The following MOV10L1 variants were observed in gnomAD, a reference collection of about 807,000 sequenced individuals.
The protein encoded by MOV10L1 is Mov10 like RNA helicase 1.
MOV10L1 carries 110 observed loss-of-function variants against 143.8 expected under a neutral mutation model. That is an observed-to-expected ratio of 0.76 (90% CI 0.66 to 0.90). The LOEUF is 0.90. Among genes scored for constraint, MOV10L1 ranks in the 40% least tolerant of loss-of-function variants. The pLI is 0.00. For synonymous variants in MOV10L1, 593 were observed against 581.1 expected, an observed-to-expected ratio of 1.02 and a Z score of -0.29; for missense variants, 1,406 against 1,526.8, an observed-to-expected ratio of 0.92 and a Z score of 1.32.
At chr22:50,148,001 C>T (rs1173578386) in intron 19 of MOV10L1, among the ~76,000 whole-genome samples, 9 of 152,246 alleles carry the variant, frequency 5.9e-5, no homozygotes, top group Admixed American at 5.9e-4. Context: ...CGCCCCCGCA[C>T]AGGTCTGACC....
chr22:50,150,978 C>G, intron 21 of MOV10L1, 79 bp downstream of exon 21: 1 of 1,554,274 alleles, frequency 6.4e-7, no homozygotes, highest in Non-Finnish European at 8.8e-7. Flanking sequence ...GCTCACTCTT[C>G]TGTCCACCTG....
chr22:50,145,789 T>C lies in MOV10L1; in HGVS notation c.2606T>C (p.Leu869Pro), dbSNP rs1293740240. ...ATCACCACATGCAGCAGCTCAGGGC[T>C]GTTTTACCAAATAGGAGTGAGGTGA... Reference protein sequence around the residue: ...IIITTCSSSGLFYQIGVRVGH... With the variant: ...IIITTCSSSGPFYQIGVRVGH... The change falls in exon 19 of 27, where the codon CTG becomes CCG. Residue 869 changes from leucine to proline, a missense_variant. Coordinates refer to ENST00000262794, the MANE Select transcript of MOV10L1 (RefSeq NM_018995.3). 6.2e-7 allele frequency: 1 copy of C among 1,614,020 alleles called. No homozygotes were observed. The highest frequency in any genetic ancestry group is 1.7e-5 in the Admixed American group (1 of 60,032).
chr22:50,123,911 C>T (rs1318847849), intron 10 of MOV10L1, among the ~76,000 whole-genome samples: 1 of 152,170 alleles, frequency 6.6e-6, no homozygotes, highest in African/African-American at 2.4e-5. Flanking sequence ...TTGTCCATTT[C>T]ATCTGGGTAT....
intron 2 of MOV10L1, chr22:50,093,941 T>G (rs906585083): frequency 2.6e-5 from 4 of 152,260 alleles, no homozygotes; most frequent in Non-Finnish European, 5.9e-5. Context: ...CCTGCTGATT[T>G]GGAAAATTCC....
intron 9 of MOV10L1, among the ~76,000 whole-genome samples, chr22:50,118,100 T>C (rs2062232961): frequency 6.6e-6 from 1 of 152,160 alleles, no homozygotes. Flanking sequence ...GAATTTCAAA[T>C]CACGTGTTGC....
rs1169918718 is a variant in MOV10L1, at chr22:50,145,678, C to T, written c.2506-11C>T. The T allele has an allele frequency of 6.2e-7, 1 of 1,613,916 alleles. No homozygotes were observed. The highest frequency in any genetic ancestry group is 1.7e-5 in the Admixed American group (1 of 60,028). On this transcript the variant is annotated splice_polypyrimidine_tract_variant and intron_variant, in intron 18 of 26. Coordinates refer to ENST00000262794, the MANE Select transcript of MOV10L1 (RefSeq NM_018995.3). ...GAGGAGTAAACTAACTCTACGCCTC[C>T]TTGCCCCCAGATAGTTATTGACGCC...
At chr22:50,126,179 A>G (rs1475153079) in intron 11 of MOV10L1, 23 bp from the exon 12 acceptor site, 4 of 1,509,646 alleles carry the variant, frequency 2.6e-6, no homozygotes, top group Admixed American at 1.7e-5. Context: ...AGCTTTAAAC[A>G]TGGTAATATA....
chr22:50,121,171 G>C (rs1404077874), intron 10 of MOV10L1, among the ~76,000 whole-genome samples: 1 of 152,170 alleles, frequency 6.6e-6, no homozygotes, highest in African/African-American at 2.4e-5. Context: ...AGGGGTTTGA[G>C]GTGTTCTGAG....
At chr22:50,137,549 A>G (rs2062853602) in intron 15 of MOV10L1, among the ~76,000 whole-genome samples, 1 of 151,692 alleles carries the variant, frequency 6.6e-6, no homozygotes, top group African/African-American at 2.4e-5. Flanking sequence ...CCATCCCAGA[A>G]AAAAAATTAG....
At chr22:50,112,344 C>T (rs1569284066) in intron 5 of MOV10L1, among the ~76,000 whole-genome samples, 1 of 152,200 alleles carries the variant, frequency 6.6e-6, no homozygotes, top group Non-Finnish European at 1.5e-5. Context: ...TGCACCTCCT[C>T]CCTATGTCTG....
In MOV10L1 at chr22:50,159,833, C is replaced by A; in HGVS notation, c.3324+48C>A. On this transcript the variant is annotated intron_variant, in intron 24 of 26. Coordinates refer to ENST00000262794, the MANE Select transcript of MOV10L1 (RefSeq NM_018995.3). This position sits in a 1 kb window ranked among gnomAD's most constrained non-coding sequence, Gnocchi z 4.1. ...GGGATGGACAGTCAGGTGCTTGCTG[C>A]CCTGGGGGTTCTGGGGGCTTCAGAT... is the stretch of plus-strand genomic sequence containing the variant. 7.7e-7 allele frequency: 1 copy of A among 1,303,862 alleles called. No individual in the cohort carries two copies. The highest frequency in any genetic ancestry group is 1.1e-6 in the Non-Finnish European group (1 of 907,258). The allele number at this position is 1,303,862 out of a possible 1,614,324, so 80.8% of individuals were successfully genotyped here.
chr22:50,114,022 CATT>C (rs2062099339), intron 6 of MOV10L1, among the ~76,000 whole-genome samples: 1 of 150,934 alleles, frequency 6.6e-6, no homozygotes, highest in African/African-American at 2.4e-5. Flanking sequence ...GGGTTCACAC[CATT>C]CTCCTGCCTC....
At chr22:50,092,917 T>G (rs1190079876) in intron 2 of MOV10L1, 1 of 152,234 alleles carries the variant, frequency 6.6e-6, no homozygotes, top group Non-Finnish European at 1.5e-5. Context: ...GTTTTTGTTT[T>G]TTTCTGAGAC....
intron 5 of MOV10L1, among the ~76,000 whole-genome samples, chr22:50,111,120 T>C (rs1602177339): frequency 6.6e-6 from 1 of 152,164 alleles, no homozygotes; most frequent in Non-Finnish European, 1.5e-5. Flanking sequence ...AAGTTCACTT[T>C]GCCAAGGTGA....
In MOV10L1 at chr22:50,126,234, A is replaced by C. The variant is rs1245621902; in HGVS notation, c.1780A>C (p.Asn594His). The C allele has an allele frequency of 6.2e-7, 1 of 1,612,584 alleles. No homozygotes were observed. Among genetic ancestry groups the C allele is most frequent in the South Asian group, 1.1e-5 (1 of 91,036 alleles). Residue 594 changes from asparagine to histidine, a missense_variant, in exon 12 of 27, where the codon AAT becomes CAT. Transcript: ENST00000262794. ...ACTGATTTTAAAAACTCAAGAGTACAATGGACATGCCATCGAATACATCAG... is the reference window on the plus strand; with the variant it reads ...ACTGATTTTAAAAACTCAAGAGTACCATGGACATGCCATCGAATACATCAG... ...DKLILKTQEY[N>H]GHAIEYISYV...
At chr22:50,131,567 C>A (rs2062679610) in intron 13 of MOV10L1, among the ~76,000 whole-genome samples, 1 of 152,042 alleles carries the variant, frequency 6.6e-6, no homozygotes. Context: ...CAGCTTTATC[C>A]TGTACATTTA....
rs201770012 is a variant in MOV10L1 at position 50,142,159 on chromosome 22, G to A, written c.2149G>A (p.Ala717Thr). The change falls in exon 16 of 27, where the codon GCA becomes ACA. Residue 717 changes from alanine (A) to threonine (T), a missense_variant. This residue lies in a region of MOV10L1 where 1,233 missense variants were observed against 1,351.4 expected (regional missense o/e 0.91). Transcript: ENST00000262794. ...RVGDKDLPVL[A>T]PFTAEMSDWV... is the part of the protein sequence containing the mutation. ...TGGTGACAAGGACCTGCCGGTGCTG[G>A]CACCCTTTACTGCAGAGATGAGCGA... The A allele has an allele frequency of 1.4e-5, 22 of 1,612,986 alleles. No homozygotes were observed. The highest frequency in any genetic ancestry group is 1.8e-5 in the Non-Finnish European group (21 of 1,179,520).
chr22:50,104,713 G>A (rs948755143), intron 3 of MOV10L1, among the ~76,000 whole-genome samples: 1 of 151,792 alleles, frequency 6.6e-6, no homozygotes, highest in Admixed American at 6.6e-5. Flanking sequence ...TATATTCTTG[G>A]TACATATTAA....
intron 12 of MOV10L1, among the ~76,000 whole-genome samples, chr22:50,127,432 T>A (rs1247479346): frequency 1.3e-5 from 2 of 152,244 alleles, no homozygotes; most frequent in Non-Finnish European, 2.9e-5. Context: ...GCATGTCTCC[T>A]GTGTATAGTC....
Sources: gnomAD v4.1 joint callset for allele counts (sites outside exome capture counted in the v4.1 genomes callset) on GRCh38, gnomAD v4.1.1 for gene constraint, gnomAD v4.1.1 regional missense constraint, Gnocchi (gnomAD v3.1) non-coding constraint, MANE v1.5 for transcripts, NCBI Gene and HGNC (gene_info 2026-07-23, HGNC 2026-07-21) for gene names.